The following PRUNE2 variants were observed in gnomAD, a reference collection of about 807,000 sequenced individuals.
PRUNE2 encodes prune homolog 2 with BCH domain.
A neutral mutation model predicts 252.0 loss-of-function variants in PRUNE2; 164 were observed. The ratio of observed to expected loss-of-function variants is 0.65; its 90% CI spans 0.57 to 0.74. The LOEUF (loss-of-function observed/expected upper bound fraction) is 0.74. Among genes scored for constraint, PRUNE2 ranks in the 30% least tolerant of loss-of-function variants. The pLI, the probability that PRUNE2 is intolerant of heterozygous loss-of-function variation, is 0.00. For synonymous variants in PRUNE2, 1,292 were observed against 1,350.2 expected (o/e 0.96, Z 0.94); for missense variants, 3,495 against 3,711.0 (o/e 0.94, Z 1.51).
intron 9 of PRUNE2, among the ~76,000 whole-genome samples, chr9:76,693,460 T>TTTTTTTTTG (rs2045026656): frequency 3.8e-5 from 4 of 106,334 alleles, no homozygotes; most frequent in South Asian, 3.0e-4. Flanking sequence ...TTTTTTTTTT[T>TTTTTTTTTG]GGAGACGGAG....
chr9:76,827,532 T>C (rs1177955003), intron 4 of PRUNE2, among the ~76,000 whole-genome samples: 1 of 152,128 alleles, frequency 6.6e-6, no homozygotes, highest in Non-Finnish European at 1.5e-5. Context: ...TAATGACAAA[T>C]GATTAAGCTC....
In PRUNE2 at chr9:76,705,191, G is replaced by T; in HGVS notation, c.7083C>A (p.Ile2361=). 1 of 1,613,986 alleles carries T rather than the reference G, an allele frequency of 6.2e-7. No homozygotes were observed. Among genetic ancestry groups the T allele is most frequent in the Non-Finnish European group, 8.5e-7 (1 of 1,179,900 alleles). The stretch of plus-strand genomic sequence containing the variant: ...CAGGCTCTCTCAGTAAATCTTCATC[G>T]ATATTCTGGCCCATTACATCATATT... The part of the protein sequence containing the change: ...DFEYDVMGQN[I]DEDLLREPEH... The change falls in exon 8 of 19, where the codon ATC becomes ATA. Residue 2361 remains isoleucine, a synonymous_variant. Coordinates refer to ENST00000376718, the MANE Select transcript of PRUNE2 (RefSeq NM_015225.3).
intron 1 of PRUNE2, among the ~76,000 whole-genome samples, chr9:76,858,315 G>A (rs566870287): frequency 5.3e-4 from 81 of 152,292 alleles, no homozygotes; most frequent in Admixed American, 8.5e-4. Context: ...ATCATAAAAC[G>A]GGGATGGGAT....
intron 1 of PRUNE2, among the ~76,000 whole-genome samples, chr9:76,870,554 C>T (rs1046331339): frequency 4.0e-5 from 6 of 151,868 alleles, no homozygotes; most frequent in South Asian, 2.1e-4. Flanking sequence ...GGCGTGGTAG[C>T]GGGTGCCTGT....
intron 6 of PRUNE2, among the ~76,000 whole-genome samples, chr9:76,720,888 C>G (rs117914559): frequency 6.6e-6 from 1 of 151,986 alleles, no homozygotes; most frequent in Non-Finnish European, 1.5e-5. Flanking sequence ...CTGAGGCGGG[C>G]GGATCACAAG....
intron 6 of PRUNE2, among the ~76,000 whole-genome samples, chr9:76,714,378 A>G (rs549294395): frequency 6.6e-6 from 1 of 152,178 alleles, no homozygotes; most frequent in African/African-American, 2.4e-5. Context: ...TTCAAGTTTT[A>G]TTTACTGTAT....
At chr9:76,843,664 T>C (rs964445229) in intron 4 of PRUNE2, among the ~76,000 whole-genome samples, 4 of 151,696 alleles carry the variant, frequency 2.6e-5, no homozygotes, top group Non-Finnish European at 5.9e-5. Context: ...ACTACATAAC[T>C]GGAAAACCAT....
chr9:76,668,089 G>A (rs190420425), intron 9 of PRUNE2, among the ~76,000 whole-genome samples: 25 of 152,284 alleles, frequency 1.6e-4, no homozygotes, highest in African/African-American at 5.8e-4. Flanking sequence ...ACCCAAATGT[G>A]TTTCTATAAG....
At chr9:76,765,366 A>T (rs13295396) in intron 6 of PRUNE2, among the ~76,000 whole-genome samples, 8,383 of 152,308 alleles carry the variant, frequency 0.055, 318 homozygotes, top group Non-Finnish European at 0.083. Flanking sequence ...AAAGATAAGA[A>T]TAGGTAAATA....
In PRUNE2 at chr9:76,704,767, G is replaced by A; in HGVS notation, c.7507C>T (p.Pro2503Ser). Reference sequence around the variant, plus strand: ...AGAATGGAATGTTTCTTACCATTTGGTGGTCCTATGTCTCCACCTGCTGGT... The same window carrying A: ...AGAATGGAATGTTTCTTACCATTTGATGGTCCTATGTCTCCACCTGCTGGT... ...DLPAGGDIGP[P>S]NGASKEISEL... The change falls in exon 8 of 19, where the codon CCA becomes TCA. Residue 2503 changes from proline to serine, a missense_variant. By Grantham distance (74) the Pro-to-Ser change is moderately conservative. Coordinates refer to ENST00000376718, the MANE Select transcript of PRUNE2 (RefSeq NM_015225.3). 3.2e-6 allele frequency: 5 copies of A among 1,543,164 alleles called. No homozygotes were observed. Among genetic ancestry groups the A allele is most frequent in the Non-Finnish European group, 4.4e-6 (5 of 1,140,530 alleles).
At position 76,709,579 on chromosome 9, in the gene PRUNE2, C is replaced by A; in HGVS notation, c.2695G>T (p.Asp899Tyr). The A allele has an allele frequency of 6.2e-7, 1 of 1,613,976 alleles. No homozygotes were observed. Among genetic ancestry groups the A allele is most frequent in the South Asian group, 1.1e-5 (1 of 91,078 alleles). ...TTAGGATCCACTAAACCATTCTGAT[C>A]TTCTTTTGGTGGCTTAGAATTAGTC... ...TWTNSKPPKEDQNGLVDPKTR... is the reference protein window; with the variant it reads ...TWTNSKPPKEYQNGLVDPKTR... The change falls in exon 8 of 19, where the codon GAT becomes TAT. Residue 899 changes from aspartate to tyrosine, a missense_variant. By Grantham distance (160) the Asp-to-Tyr change is radical. Coordinates refer to ENST00000376718, the MANE Select transcript of PRUNE2 (RefSeq NM_015225.3).
rs186791810 is a variant in PRUNE2 at position 76,746,319 on chromosome 9, C to A, written c.757-32598G>T. 5.1e-3 allele frequency among the ~76,000 whole-genome samples: 771 copies of A among 152,308 alleles called. 6 individuals are homozygous for A. The highest frequency in any genetic ancestry group is 0.018 in the African/African-American group (742 of 41,566). Reference sequence around the variant, plus strand: ...TGGGACTTTCAGCCTCACCCCCCAACCTCGGGAGAAGGCAGGCAGGCTGAA... The same window carrying A: ...TGGGACTTTCAGCCTCACCCCCCAAACTCGGGAGAAGGCAGGCAGGCTGAA... On this transcript the variant is annotated intron_variant, in intron 6 of 18. Coordinates refer to ENST00000376718, the MANE Select transcript of PRUNE2 (RefSeq NM_015225.3).
intron 5 of PRUNE2, 23 bp from the exon 6 acceptor site, chr9:76,823,749 A>C (rs779873665): frequency 7.0e-7 from 1 of 1,429,836 alleles, no homozygotes; most frequent in Non-Finnish European, 9.8e-7. Context: ...GGAAAAAAAA[A>C]CATTATGTTA....
chr9:76,728,797 G>C (rs1312489992), intron 6 of PRUNE2, among the ~76,000 whole-genome samples: 1 of 152,110 alleles, frequency 6.6e-6, no homozygotes, highest in Non-Finnish European at 1.5e-5. Context: ...TACTTATTAG[G>C]CTAAGCTTCA....
chr9:76,885,017 G>A (rs1357647460), intron 1 of PRUNE2, among the ~76,000 whole-genome samples: 1 of 152,232 alleles, frequency 6.6e-6, no homozygotes, highest in Non-Finnish European at 1.5e-5. Context: ...GAAGAGGTGT[G>A]TCTGGTTTTC....
At chr9:76,738,535 T>A (rs2049282882) in intron 6 of PRUNE2, 1 of 152,198 alleles carries the variant, frequency 6.6e-6, no homozygotes, top group African/African-American at 2.4e-5. Flanking sequence ...TAGAGATTTA[T>A]CTTCGGGCTG....
chr9:76,756,623 AGGCACTGT>A, intron 6 of PRUNE2, among the ~76,000 whole-genome samples: 1 of 152,376 alleles, frequency 6.6e-6, no homozygotes, highest in Non-Finnish European at 1.5e-5. Flanking sequence ...TGTGTCCTGA[AGGCACTGT>A]GGCCTCCCAG....
In PRUNE2 at chr9:76,705,637, C is replaced by A; in HGVS notation, c.6637G>T (p.Asp2213Tyr). 1 of 1,614,034 alleles carries A rather than the reference C, an allele frequency of 6.2e-7. No homozygotes were observed. The highest frequency in any genetic ancestry group is 8.5e-7 in the Non-Finnish European group (1 of 1,179,886). ...LQVSEKGASP[D>Y]MAPILEPVDR... ...ACTGGTTCCAAAATTGGTGCCATAT[C>A]TGGGCTGGCTCCTTTTTCTGATACT... Residue 2213 changes from aspartate to tyrosine, a missense_variant, in exon 8 of 19, where the codon GAT (aspartate) becomes TAT (tyrosine). Asp to Tyr is a radical substitution (Grantham distance 160, BLOSUM62 -3). Transcript: ENST00000376718.
chr9:76,707,359 T>C lies in PRUNE2; in HGVS notation c.4915A>G (p.Ser1639Gly). 1 of 1,613,992 alleles carries C rather than the reference T, an allele frequency of 6.2e-7. No homozygotes were observed. The highest frequency in any genetic ancestry group is 2.2e-5 in the East Asian group (1 of 44,880). The change falls in exon 8 of 19, where the codon AGT becomes GGT. Residue 1639 changes from serine (S) to glycine (G), a missense_variant. Coordinates refer to ENST00000376718, the MANE Select transcript of PRUNE2 (RefSeq NM_015225.3). ...VDGDSFSSLSSPETGKYSEHS... is the reference protein window; with the variant it reads ...VDGDSFSSLSGPETGKYSEHS... ...TCAGAATATTTGCCTGTTTCAGGAC[T>C]GGATAAAGAGGAAAAGGAATCACCA... is the stretch of plus-strand genomic sequence containing the variant.
Sources: gnomAD v4.1 joint callset for allele counts (sites outside exome capture counted in the v4.1 genomes callset) on GRCh38, gnomAD v4.1.1 for gene constraint, MANE v1.5 for transcripts, NCBI Gene and HGNC (gene_info 2026-07-23, HGNC 2026-07-21) for gene names.